The following OPRM1 variants were observed in gnomAD, a reference collection of about 807,000 sequenced individuals.
OPRM1 encodes opioid receptor mu 1, also known as mu-type opioid receptor.
A neutral mutation model predicts 31.8 loss-of-function variants in OPRM1; 27 were observed. The observed-to-expected ratio is 0.85, with a 90% confidence interval of 0.63 to 1.17. The LOEUF (loss-of-function observed/expected upper bound fraction) is 1.17, where lower values mean the gene tolerates loss of function less well. Among genes scored for constraint, OPRM1 ranks in the 50% most tolerant of loss-of-function variants. The pLI, the probability that OPRM1 is intolerant of heterozygous loss-of-function variation, is 0.00. For synonymous variants in OPRM1, 196 were observed against 189.9 expected (o/e 1.03, Z -0.26); for missense variants, 536 against 511.1 (o/e 1.05, Z -0.47).
intron 3 of OPRM1, among the ~76,000 whole-genome samples, chr6:154,244,015 C>T (rs1283542255): frequency 6.6e-6 from 1 of 152,174 alleles, no homozygotes; most frequent in African/African-American, 2.4e-5. Flanking sequence ...CATTAGGCTA[C>T]TGAGGAAGTG....
chr6:154,030,667 G>A (rs770320637), intron 1 of OPRM1, among the ~76,000 whole-genome samples: 30 of 152,076 alleles, frequency 2.0e-4, no homozygotes, highest in Non-Finnish European at 3.8e-4. Flanking sequence ...AGAGAGATTA[G>A]AGAAGAAAGA....
chr6:154,048,978 T>A (rs905182959), intron 1 of OPRM1, among the ~76,000 whole-genome samples: 1 of 152,238 alleles, frequency 6.6e-6, no homozygotes, highest in African/African-American at 2.4e-5. Context: ...GTACTGAAGC[T>A]TTGCTTCTAG....
intron 1 of OPRM1, among the ~76,000 whole-genome samples, chr6:154,081,157 G>A (rs953016839): frequency 6.6e-6 from 1 of 152,216 alleles, no homozygotes; most frequent in Admixed American, 6.5e-5. Flanking sequence ...GAACAGAGAG[G>A]TTGTGAGTCA....
Position 154,220,455 on chromosome 6 carries a change from G to A in OPRM1, c.1165-26238G>A, listed in dbSNP as rs567436011. Among the ~76,000 whole-genome samples the A allele has an allele frequency of 4.6e-5, 7 of 152,182 alleles. No homozygotes were observed. In the East Asian group the frequency reaches 5.8e-4, roughly 13 times the overall value. On this transcript the variant is annotated intron_variant, in intron 3 of 3. Coordinates refer to the OPRM1 transcript ENST00000337049. ...GTGGATCACTTGAGGTCAGGAGTTCGAGACCAGCCTGGCCAACATGGTGAA... is the reference window on the plus strand; with the variant it reads ...GTGGATCACTTGAGGTCAGGAGTTCAAGACCAGCCTGGCCAACATGGTGAA...
intron 3 of OPRM1, among the ~76,000 whole-genome samples, chr6:154,187,390 G>C (rs1403407354): frequency 6.6e-6 from 1 of 152,242 alleles, no homozygotes; most frequent in East Asian, 1.9e-4. Flanking sequence ...AGCTCTGTAG[G>C]GCTGTTTATT....
intron 1 of OPRM1, among the ~76,000 whole-genome samples, chr6:154,085,551 G>C (rs998635173): frequency 6.6e-6 from 1 of 152,196 alleles, no homozygotes; most frequent in African/African-American, 2.4e-5. Context: ...GGAGTTCAGT[G>C]GCTACCATAG....
At chr6:154,100,978 T>C (rs923788489) in intron 3 of OPRM1, among the ~76,000 whole-genome samples, 20 of 150,056 alleles carry the variant, frequency 1.3e-4, no homozygotes, top group Admixed American at 8.0e-4. Flanking sequence ...TCAAGTTTTC[T>C]ATACCTAAGT....
intron 1 of OPRM1, chr6:154,087,041 A>T (rs1478938351): frequency 1.0e-6 from 1 of 983,412 alleles, no homozygotes; most frequent in Admixed American, 6.2e-5. Flanking sequence ...AGTCCAAACT[A>T]AAAGCAAATT....
chr6:154,091,018 G>A lies in OPRM1; in HGVS notation c.710G>A (p.Cys237Tyr), dbSNP rs527322715. ...TACTGGGAAAACCTGCTGAAGATCT[G>A]TGTTTTCATCTTCGCCTTCATTATG... is the stretch of plus-strand genomic sequence containing the variant. Reference protein sequence around the residue: ...TWYWENLLKICVFIFAFIMPV... With the variant: ...TWYWENLLKIYVFIFAFIMPV... Residue 237 changes from cysteine (C) to tyrosine (Y), a missense_variant, in exon 3 of 4, where the codon TGT (cysteine) becomes TAT (tyrosine). By Grantham distance (194) the Cys-to-Tyr change is radical. Coordinates refer to ENST00000330432, the MANE Select transcript of OPRM1 (RefSeq NM_000914.5). 2.2e-5 allele frequency: 35 copies of A among 1,614,040 alleles called. No individual in the cohort carries two copies. The South Asian group carries it at 3.6e-4, about 17-fold the overall frequency.
At chr6:154,059,118 G>A (rs75289071) in intron 1 of OPRM1, among the ~76,000 whole-genome samples, 108 of 152,224 alleles carry the variant, frequency 7.1e-4, no homozygotes, top group African/African-American at 2.6e-3. Flanking sequence ...TTCCCTAATT[G>A]GCAGCCTATT....
chr6:154,225,435 C>T (rs1269937273), intron 3 of OPRM1, among the ~76,000 whole-genome samples: 3 of 152,198 alleles, frequency 2.0e-5, no homozygotes, highest in African/African-American at 7.2e-5. Context: ...AGTACTAATA[C>T]ATGCTACGTG....
At position 154,039,705 on chromosome 6, in the gene OPRM1, G is replaced by A. The variant is rs1174480576; in HGVS notation, c.161G>A (p.Gly54Glu). 1.9e-6 allele frequency: 3 copies of A among 1,613,440 alleles called. No homozygotes were observed. Among genetic ancestry groups the A allele is most frequent in the South Asian group, 2.2e-5 (2 of 91,086 alleles). Residue 54 changes from glycine to glutamate, a missense_variant, in exon 1 of 4, where the codon GGG becomes GAG. By Grantham distance (98) the Gly-to-Glu change is moderately conservative (BLOSUM62 -2). Coordinates refer to ENST00000330432, the MANE Select transcript of OPRM1 (RefSeq NM_000914.5). Reference protein sequence around the residue: ...PCGPNRTDLGGRDSLCPPTGS... With the variant: ...PCGPNRTDLGERDSLCPPTGS... ...GGTCCGAACCGCACCGACCTGGGCG[G>A]GAGAGACAGCCTGTGCCCTCCGACC...
At chr6:154,195,511 G>A (rs1415867345) in intron 3 of OPRM1, among the ~76,000 whole-genome samples, 6 of 152,046 alleles carry the variant, frequency 3.9e-5, no homozygotes, top group African/African-American at 1.4e-4. Flanking sequence ...TCATCCATTA[G>A]CTGTTTAAAT....
At chr6:154,080,672 C>G (rs547317101) in intron 1 of OPRM1, among the ~76,000 whole-genome samples, 12 of 152,308 alleles carry the variant, frequency 7.9e-5, no homozygotes, top group Non-Finnish European at 1.8e-4. Flanking sequence ...GCCATCCCAT[C>G]TGCTCACATG....
At chr6:154,232,081 C>A (rs1050411378) in intron 3 of OPRM1, among the ~76,000 whole-genome samples, 3 of 152,016 alleles carry the variant, frequency 2.0e-5, no homozygotes, top group African/African-American at 7.3e-5. Flanking sequence ...TAAAATTGCA[C>A]AGAATCTAAA....
intron 3 of OPRM1, among the ~76,000 whole-genome samples, chr6:154,173,734 T>C (rs769111244): frequency 1.3e-5 from 2 of 152,110 alleles, no homozygotes; most frequent in Non-Finnish European, 2.9e-5. Flanking sequence ...TGGGACCAAA[T>C]TGGAAAACAC....
chr6:154,164,998 C>T (rs917334068), intron 3 of OPRM1, among the ~76,000 whole-genome samples: 11 of 152,218 alleles, frequency 7.2e-5, no homozygotes, highest in South Asian at 2.1e-4. Flanking sequence ...TTCTTATTTA[C>T]GGAATGCACC....
In OPRM1 at chr6:154,167,819, A is replaced by C. The variant is rs1799559948; in HGVS notation, c.1164+76347A>C. 6 of 867,240 alleles carry C rather than the reference A, an allele frequency of 6.9e-6. No homozygotes were observed. In the South Asian group the frequency reaches 1.3e-4, roughly 18 times the overall value. 53.7% of individuals were successfully genotyped at this position (867,240 alleles called of 1,614,324 possible). On this transcript the variant is annotated intron_variant, in intron 3 of 3. Coordinates refer to the OPRM1 transcript ENST00000337049. ...ATTTACTTTTACAGCCCTTCCCTGC[A>C]ACCACACAAACATGCTGTGATTAGC...
intron 3 of OPRM1, among the ~76,000 whole-genome samples, chr6:154,213,748 T>A (rs1464179448): frequency 6.6e-6 from 1 of 152,202 alleles, no homozygotes; most frequent in African/African-American, 2.4e-5. Context: ...AGCTACCGAC[T>A]GAGCTAAAAA....
Sources: gnomAD v4.1 joint callset for allele counts (sites outside exome capture counted in the v4.1 genomes callset) on GRCh38, gnomAD v4.1.1 for gene constraint, MANE v1.5 for transcripts, NCBI Gene and HGNC (gene_info 2026-07-23, HGNC 2026-07-21) for gene names.